The following DCDC2 variants were observed in gnomAD, a reference collection of about 807,000 sequenced individuals.
The protein encoded by DCDC2 is doublecortin domain-containing protein 2.
In DCDC2, 40 loss-of-function variants were observed where a neutral mutation model predicts 50.2. The observed-to-expected ratio is 0.80, with a 90% confidence interval of 0.62 to 1.04. DCDC2 has a LOEUF of 1.04. Ranked by LOEUF, DCDC2 falls within the 50% of genes least tolerant of loss-of-function variation. The pLI is 0.00. For synonymous variants in DCDC2, 234 were observed against 210.6 expected (o/e 1.11, Z -0.96); for missense variants, 570 against 581.9 (o/e 0.98, Z 0.21).
Position 24,259,561 on chromosome 6 carries a change from C to T in DCDC2, c.922+18488G>A, listed in dbSNP as rs138312869. On this transcript the variant is annotated intron_variant, in intron 7 of 9. Coordinates refer to ENST00000378454, the MANE Select transcript of DCDC2 (RefSeq NM_016356.5). ...TCCAAGAAGCAAATTTCTGAACAAT[C>T]TCTCCCCTTCCCTGTTCATATTAAA... is the stretch of plus-strand genomic sequence containing the variant. Among the ~76,000 whole-genome samples, 114 of 152,220 alleles carry T rather than the reference C, an allele frequency of 7.5e-4. 1 individual carries two copies. The East Asian group carries it at 0.014, about 19-fold the overall frequency.
At chr6:24,363,049 T>A (rs571599411), upstream of DCDC2, among the ~76,000 whole-genome samples, 83 of 152,188 alleles carry the variant, frequency 5.5e-4, no homozygotes, top group South Asian at 0.016. Flanking sequence ...AATGAGGAGC[T>A]TCAGATGGAT....
chr6:24,312,663 G>A (rs911321287), intron 2 of DCDC2, among the ~76,000 whole-genome samples: 2 of 152,150 alleles, frequency 1.3e-5, no homozygotes, highest in African/African-American at 4.8e-5. Context: ...CCAAAGGAAA[G>A]GTTAGGGCTT....
intron 6 of DCDC2, 113 bp from the exon 7 acceptor site, chr6:24,278,324 T>C: frequency 1.1e-6 from 1 of 940,820 alleles, no homozygotes; most frequent in Non-Finnish European, 1.6e-6. Context: ...GGAGGTGTAT[T>C]GTCCTGGTTC....
the DCDC2 span, among the ~76,000 whole-genome samples, chr6:24,382,583 A>G: frequency 6.6e-6 from 1 of 152,160 alleles, no homozygotes; most frequent in African/African-American, 2.4e-5. Context: ...CTTTTGCTAA[A>G]CTGTGCTAAT....
At chr6:24,187,328 G>T (rs941644828) in intron 8 of DCDC2, among the ~76,000 whole-genome samples, 4 of 152,100 alleles carry the variant, frequency 2.6e-5, no homozygotes, top group African/African-American at 9.7e-5. Flanking sequence ...CACGGGCGGT[G>T]CCATCCTATT....
chr6:24,281,983 C>T (rs67939976), intron 6 of DCDC2, among the ~76,000 whole-genome samples: 18,495 of 152,116 alleles, frequency 0.12, 1,133 homozygotes, highest in East Asian at 0.17. Flanking sequence ...ACTCCTATTA[C>T]ATAGTATGGT....
intron 7 of DCDC2, among the ~76,000 whole-genome samples, chr6:24,248,134 T>A (rs1762723751): frequency 6.6e-6 from 1 of 152,192 alleles, no homozygotes; most frequent in Non-Finnish European, 1.5e-5. Context: ...TAACTGCTCT[T>A]CAGCTCAGTT....
rs373524972 is a variant in DCDC2, at chr6:24,209,703, T to C, written c.923-4601A>G. ...GCAATTTTGCTTCCTCTAAAACTAA[T>C]TGGGCACAGCAAGTATAATAACAGA... On this transcript the variant is annotated intron_variant, in intron 7 of 9. Transcript: ENST00000378454. Among the ~76,000 whole-genome samples the C allele has an allele frequency of 7.9e-5, 12 of 152,306 alleles. No individual in the cohort carries two copies. In the East Asian group the frequency reaches 2.1e-3, roughly 27 times the overall value.
chr6:24,233,614 C>T (rs1762380604), intron 7 of DCDC2, among the ~76,000 whole-genome samples: 2 of 152,240 alleles, frequency 1.3e-5, no homozygotes, highest in South Asian at 4.2e-4. Flanking sequence ...TCCAGTGAGG[C>T]AGTTTAATTA....
At chr6:24,362,377 T>G (rs9348634), upstream of DCDC2, among the ~76,000 whole-genome samples, 8,641 of 33,362 alleles carry the variant, frequency 0.26, 1,686 homozygotes, top group East Asian at 0.55. Flanking sequence ...ATTGTATGTT[T>G]ATACAATTAT....
intron 2 of DCDC2, among the ~76,000 whole-genome samples, chr6:24,337,621 C>T (rs1325726937): frequency 6.6e-6 from 1 of 151,882 alleles, no homozygotes; most frequent in African/African-American, 2.4e-5. Flanking sequence ...TGGTGAAACC[C>T]CATCTCTACC....
intron 7 of DCDC2, among the ~76,000 whole-genome samples, chr6:24,211,628 G>A (rs1581589290): frequency 6.6e-6 from 1 of 152,256 alleles, no homozygotes. Context: ...GACTGATACA[G>A]TGCAAACAAG....
At chr6:24,333,166 C>T (rs1237780622) in intron 2 of DCDC2, among the ~76,000 whole-genome samples, 1 of 152,142 alleles carries the variant, frequency 6.6e-6, no homozygotes, top group Non-Finnish European at 1.5e-5. Context: ...AGAGGTAGCA[C>T]AGGTATGCTG....
At chr6:24,288,703 T>C in intron 6 of DCDC2, 149 bp downstream of exon 6, 2 of 690,334 alleles carry the variant, frequency 2.9e-6, no homozygotes, top group South Asian at 1.8e-5. Context: ...AAGTGTAACA[T>C]TAAAGTTCTA....
intron 4 of DCDC2, among the ~76,000 whole-genome samples, chr6:24,301,269 G>C (rs1363512847): frequency 6.6e-6 from 1 of 150,872 alleles, no homozygotes; most frequent in African/African-American, 2.4e-5. Context: ...TACTCGGGAG[G>C]CTGAGGCAGG....
At chr6:24,229,336 T>G (rs1762292953) in intron 7 of DCDC2, among the ~76,000 whole-genome samples, 1 of 152,178 alleles carries the variant, frequency 6.6e-6, no homozygotes, top group Non-Finnish European at 1.5e-5. Flanking sequence ...GGTCGAGTCT[T>G]TTTTACATTA....
chr6:24,180,129 T>C (rs1371201359), intron 8 of DCDC2, among the ~76,000 whole-genome samples: 1 of 151,998 alleles, frequency 6.6e-6, no homozygotes, highest in Non-Finnish European at 1.5e-5. Context: ...AAAACTTCCA[T>C]GAAGATTAAA....
intron 2 of DCDC2, among the ~76,000 whole-genome samples, chr6:24,335,409 G>C (rs1213730880): frequency 1.3e-5 from 2 of 152,130 alleles, no homozygotes; most frequent in Non-Finnish European, 2.9e-5. Context: ...GTGGTTATTC[G>C]ACCATCAAAG....
At chr6:24,243,314 A>G (rs1762603259) in intron 7 of DCDC2, among the ~76,000 whole-genome samples, 1 of 152,202 alleles carries the variant, frequency 6.6e-6, no homozygotes, top group African/African-American at 2.4e-5. Context: ...GATGGATGCC[A>G]AAGTCAGGCT....
Sources: gnomAD v4.1 joint callset for allele counts (sites outside exome capture counted in the v4.1 genomes callset) on GRCh38, gnomAD v4.1.1 for gene constraint, MANE v1.5 for transcripts, NCBI Gene and HGNC (gene_info 2026-07-23, HGNC 2026-07-21) for gene names.